The following LAMA3 variants were observed in gnomAD, a reference collection of about 807,000 sequenced individuals.
LAMA3 encodes the protein laminin subunit alpha-3.
In LAMA3, 281 loss-of-function variants were observed where a neutral mutation model predicts 402.0. The ratio of observed to expected loss-of-function variants is 0.70; its 90% confidence interval spans 0.63 to 0.77. LAMA3 has a LOEUF of 0.77. Ranked by LOEUF, LAMA3 falls within the 30% of genes least tolerant of loss-of-function variation. The probability of loss-of-function intolerance (pLI) is 0.00; values close to 1 mark genes in which losing one functional copy is unlikely to be tolerated. For synonymous variants in LAMA3, 1,431 were observed against 1,558.4 expected, an observed-to-expected ratio of 0.92 and a Z score of 1.93; for missense variants, 3,840 against 4,215.5, an observed-to-expected ratio of 0.91 and a Z score of 2.47.
intron 11 of LAMA3, among the ~76,000 whole-genome samples, chr18:23,782,974 G>A (rs540806912): frequency 3.3e-5 from 5 of 152,122 alleles, no homozygotes; most frequent in Non-Finnish European, 7.3e-5. Context: ...ATCTATTTCT[G>A]TGTCTTAAGT....
At chr18:23,712,210 G>A (rs377598289) in intron 1 of LAMA3, among the ~76,000 whole-genome samples, 41 of 151,946 alleles carry the variant, frequency 2.7e-4, no homozygotes, top group African/African-American at 8.0e-4. Context: ...GAGAAACCCC[G>A]TCTCTAATAA....
chr18:23,899,149 C>T, intron 46 of LAMA3, 84 bp downstream of exon 46: 1 of 1,304,288 alleles, frequency 7.7e-7, no homozygotes, highest in African/African-American at 1.5e-5. Context: ...TTTAAGATTT[C>T]AACATTATGA....
intron 12 of LAMA3, among the ~76,000 whole-genome samples, chr18:23,796,908 A>G (rs1286087786): frequency 3.3e-5 from 5 of 152,130 alleles, no homozygotes; most frequent in South Asian, 2.1e-4. Flanking sequence ...TTCTGACCTC[A>G]CCGGAAGCAT....
chr18:23,910,457 T>C (rs1313558002), intron 55 of LAMA3, among the ~76,000 whole-genome samples: 1 of 152,222 alleles, frequency 6.6e-6, no homozygotes, highest in African/African-American at 2.4e-5. Flanking sequence ...GAATGCCTGG[T>C]TGGCATTGGC....
intron 31 of LAMA3, 31 bp from the exon 32 acceptor site, chr18:23,847,433 C>T (rs777540998): frequency 3.1e-6 from 5 of 1,604,470 alleles, no homozygotes; most frequent in East Asian, 2.2e-5. Context: ...GCCTTTGACC[C>T]TCACATGGTA....
intron 70 of LAMA3, among the ~76,000 whole-genome samples, chr18:23,948,191 AC>A (rs772594943): frequency 6.6e-5 from 10 of 152,142 alleles, no homozygotes; most frequent in Admixed American, 1.3e-4. Flanking sequence ...TCTTCAAACC[AC>A]CTTAATCACA....
intron 1 of LAMA3, among the ~76,000 whole-genome samples, chr18:23,706,596 TCCTC>T (rs1323844166): frequency 6.6e-6 from 1 of 152,232 alleles, no homozygotes; most frequent in Non-Finnish European, 1.5e-5. Context: ...TATATGTGTT[TCCTC>T]TTCTGTGAAA....
intron 45 of LAMA3, 47 bp downstream of exon 45, chr18:23,898,895 G>A: frequency 6.3e-7 from 1 of 1,580,326 alleles, no homozygotes; most frequent in Non-Finnish European, 8.7e-7. Flanking sequence ...TGCTTTCAAA[G>A]TATTTTTATT....
intron 37 of LAMA3, 82 bp from the exon 38 acceptor site, chr18:23,871,349 T>G (rs1329787775): frequency 9.4e-7 from 1 of 1,061,162 alleles, no homozygotes; most frequent in Non-Finnish European, 1.5e-6. Flanking sequence ...TGTTTTTGAT[T>G]CATTCGGGGT....
chr18:23,854,122 C>T (rs2064008898), intron 32 of LAMA3, among the ~76,000 whole-genome samples: 1 of 152,252 alleles, frequency 6.6e-6, no homozygotes, highest in Admixed American at 6.5e-5. Context: ...TTAGTGCTCT[C>T]AGCTGCTACC....
intron 24 of LAMA3, among the ~76,000 whole-genome samples, chr18:23,836,486 G>A (rs1390536033): frequency 6.6e-6 from 1 of 152,174 alleles, no homozygotes; most frequent in African/African-American, 2.4e-5. Flanking sequence ...GGAGGGAAGA[G>A]ATACCACAGG....
rs537418046 is a variant in LAMA3 at position 23,916,885 on chromosome 18, T to G, written c.7923+190T>G. Among the ~76,000 whole-genome samples, 4 of 152,016 alleles carry G rather than the reference T, an allele frequency of 2.6e-5. No homozygotes were observed. The East Asian group carries it at 7.7e-4, about 29-fold the overall frequency. On this transcript the variant is annotated intron_variant, in intron 60 of 74. Coordinates refer to ENST00000313654, the MANE Select transcript of LAMA3 (RefSeq NM_198129.4). Reference sequence around the variant, plus strand: ...ATGTACTTTTTTTTTTTTTTTAACATTTTTAGTTTCAGGGGTGCAGGTGCA... The same window carrying G: ...ATGTACTTTTTTTTTTTTTTTAACAGTTTTAGTTTCAGGGGTGCAGGTGCA...
chr18:23,931,022 A>C, intron 64 of LAMA3, 40 bp from the exon 65 acceptor site: 1 of 1,574,690 alleles, frequency 6.4e-7, no homozygotes, highest in South Asian at 1.1e-5. Context: ...TAATCCTTAT[A>C]TGCAAATTAG....
intron 8 of LAMA3, among the ~76,000 whole-genome samples, chr18:23,767,818 C>A (rs1206189651): frequency 6.6e-6 from 1 of 151,982 alleles, no homozygotes; most frequent in Non-Finnish European, 1.5e-5. Flanking sequence ...GGTGACCCAC[C>A]CGCTTCAGCC....
At position 23,847,485 on chromosome 18, in the gene LAMA3, T is replaced by A; in HGVS notation, c.3953T>A (p.Leu1318His). 6.2e-7 allele frequency: 1 copy of A among 1,613,354 alleles called. No homozygotes were observed. ...CCAGCGTGCAGCTGTGGTCGGCGCC[T>A]TTGTGAAGAGATGACGGGGCAGTGC... is the stretch of plus-strand genomic sequence containing the variant. ...RCKPCSCGRR[L>H]CEEMTGQCRC... The change falls in exon 32 of 75, where the codon CTT becomes CAT. Residue 1318 changes from leucine (L) to histidine (H), a missense_variant. By Grantham distance (99) the Leu-to-His change is moderately conservative. Coordinates refer to ENST00000313654, the MANE Select transcript of LAMA3 (RefSeq NM_198129.4).
chr18:23,852,474 TG>T (rs1248411474), intron 32 of LAMA3, among the ~76,000 whole-genome samples: 5 of 152,236 alleles, frequency 3.3e-5, no homozygotes, highest in Non-Finnish European at 5.9e-5. Context: ...CAGTTCCTTG[TG>T]AGGTTTTTTA....
At chr18:23,773,400 G>C in intron 8 of LAMA3, 97 bp from the exon 9 acceptor site, 1 of 806,142 alleles carries the variant, frequency 1.2e-6, no homozygotes, top group Non-Finnish European at 2.1e-6. Flanking sequence ...AATTACAATT[G>C]TATATGACAG....
chr18:23,905,965 A>G (rs2081235937), intron 52 of LAMA3, among the ~76,000 whole-genome samples: 1 of 151,948 alleles, frequency 6.6e-6, no homozygotes, highest in African/African-American at 2.4e-5. Flanking sequence ...AGGTCTTGCT[A>G]TGTTTCCCAG....
At chr18:23,796,420 G>A (rs1302126907) in intron 12 of LAMA3, among the ~76,000 whole-genome samples, 2 of 152,122 alleles carry the variant, frequency 1.3e-5, no homozygotes, top group Non-Finnish European at 2.9e-5. Flanking sequence ...TACCCCCATG[G>A]TAAAATCAAG....
Sources: allele counts gnomAD v4.1 joint callset (sites outside exome capture counted in the v4.1 genomes callset), GRCh38; gene constraint gnomAD v4.1.1; transcripts MANE v1.5; gene names NCBI Gene and HGNC (gene_info 2026-07-23, HGNC 2026-07-21).